FBXL5: variants seen among roughly 807,000 people sequenced by gnomAD.
FBXL5 encodes F-box and leucine rich repeat protein 5.
A neutral mutation model predicts 78.3 loss-of-function variants in FBXL5; 26 were observed. That is an observed-to-expected ratio of 0.33 (90% CI 0.24 to 0.46). FBXL5 has a LOEUF of 0.46. Among genes scored for constraint, FBXL5 ranks in the 20% least tolerant of loss-of-function variants. The pLI, the probability that FBXL5 is intolerant of heterozygous loss-of-function variation, is 1.00. For synonymous variants in FBXL5, 295 were observed against 282.5 expected, an observed-to-expected ratio of 1.04 and a Z score of -0.45; for missense variants, 710 against 829.2, an observed-to-expected ratio of 0.86 and a Z score of 1.77.
chr4:15,656,427 A>C (rs1716953731), upstream of FBXL5: 1 of 387,634 alleles, frequency 2.6e-6, no homozygotes, highest in African/African-American at 2.1e-5. Context: ...CAGAACCTCC[A>C]GGAGGGCAAG....
rs1430827403 is a variant in FBXL5 at position 15,625,727 on chromosome 4, TTTC to T, written c.1372_1374del (p.Glu458del). The stretch of plus-strand genomic sequence containing the variant: ...TTAGTCCAGGGGTGTTCATTATCTA[TTTC>T]TTCTCCAATGCCCTTGTTAGTTAAA... On this transcript the variant is annotated inframe_deletion, in exon 9 of 11. Coordinates refer to ENST00000341285, the MANE Select transcript of FBXL5 (RefSeq NM_012161.4). 6.2e-7 allele frequency: 1 copy of T among 1,614,220 alleles called. No individual in the cohort carries two copies. Among genetic ancestry groups the T allele is most frequent in the Non-Finnish European group, 8.5e-7 (1 of 1,180,032 alleles).
intron 4 of FBXL5, 69 bp from the exon 5 acceptor site, chr4:15,636,745 A>C (rs1577459419): frequency 8.4e-7 from 1 of 1,185,318 alleles, no homozygotes; most frequent in East Asian, 2.4e-5. Flanking sequence ...TTACAATTAC[A>C]TTTCTATAAA....
chr4:15,675,444 T>G (rs1015217170), intron 1 of FBXL5, among the ~76,000 whole-genome samples: 1 of 152,154 alleles, frequency 6.6e-6, no homozygotes, highest in African/African-American at 2.4e-5. Context: ...CAGGCTTAGA[T>G]CCTATCTAAC....
chr4:15,638,450 A>C, intron 4 of FBXL5, 58 bp downstream of exon 4: 1 of 1,291,812 alleles, frequency 7.7e-7, no homozygotes, highest in Non-Finnish European at 1.1e-6. Context: ...AGTTCATATC[A>C]GTAAGATGTC....
chr4:15,618,091 G>T (rs1030864051), intron 9 of FBXL5, among the ~76,000 whole-genome samples: 2 of 152,232 alleles, frequency 1.3e-5, no homozygotes, highest in South Asian at 2.1e-4. Context: ...CAAAACTAAT[G>T]AAGAAAAACA....
rs1483098828 is a variant in FBXL5 at position 15,644,477 on chromosome 4, C to T, written c.300+16G>A. On this transcript the variant is annotated intron_variant, in intron 2 of 10. Transcript: ENST00000341285. ...GCACAAGTTTTGACAGTTGAATATC[C>T]ATTTTTGCAACTTACCTTAACATTC... 1.3e-6 allele frequency: 2 copies of T among 1,584,854 alleles called. No individual in the cohort carries two copies. The highest frequency in any genetic ancestry group is 1.7e-6 in the Non-Finnish European group (2 of 1,163,806).
intron 2 of FBXL5, among the ~76,000 whole-genome samples, chr4:15,641,832 G>C (rs1441079362): frequency 1.3e-5 from 2 of 151,944 alleles, no homozygotes; most frequent in Admixed American, 6.6e-5. Flanking sequence ...TTCAAGACCA[G>C]CCAGCCCAAC....
intron 2 of FBXL5, 63 bp from the exon 3 acceptor site, chr4:15,640,946 C>A: frequency 3.4e-6 from 3 of 877,592 alleles, no homozygotes; most frequent in East Asian, 2.9e-5. Flanking sequence ...TGTCTGGTCC[C>A]AGGAAGTTTA....
intron 4 of FBXL5, 77 bp from the exon 5 acceptor site, chr4:15,636,753 A>G (rs1714327718): frequency 8.9e-7 from 1 of 1,122,406 alleles, no homozygotes; most frequent in Non-Finnish European, 1.2e-6. Context: ...ACATTTCTAT[A>G]AACAAAATCC....
rs1185938981 is a variant in FBXL5 at position 15,625,671 on chromosome 4, A to G, written c.1431T>C (p.Pro477=). 19 of 1,614,094 alleles carry G rather than the reference A, an allele frequency of 1.2e-5. No individual in the cohort carries two copies. The highest frequency in any genetic ancestry group is 1.5e-5 in the Non-Finnish European group (18 of 1,180,044). Residue 477 remains proline (P), a synonymous_variant, in exon 9 of 11, where the codon CCT becomes CCC. Transcript: ENST00000341285. Reference sequence around the variant, plus strand: ...CTTCAGCATCTAACATCCACACATAAGGAGAAGTGAAATTCTCAGAAGAAA... The same window carrying G: ...CTTCAGCATCTAACATCCACACATAGGGAGAAGTGAAATTCTCAGAAGAAA... ...KPVSSENFTS[P]YVWMLDAEDL... is the part of the protein sequence containing the mutation.
chr4:15,653,997 G>A (rs879678604), intron 1 of FBXL5, among the ~76,000 whole-genome samples: 4 of 152,138 alleles, frequency 2.6e-5, no homozygotes, highest in Non-Finnish European at 4.4e-5. Flanking sequence ...ATGTGAACTG[G>A]GTGTTTCTAA....
intron 4 of FBXL5, among the ~76,000 whole-genome samples, chr4:15,638,082 C>T (rs540289711): frequency 2.0e-5 from 3 of 151,654 alleles, no homozygotes; most frequent in East Asian, 1.9e-4. Flanking sequence ...TTTTGAAAAC[C>T]AATGAAAAAA....
chr4:15,653,471 G>A (rs1306162845), intron 1 of FBXL5, among the ~76,000 whole-genome samples: 1 of 152,122 alleles, frequency 6.6e-6, no homozygotes, highest in Non-Finnish European at 1.5e-5. Context: ...ATTTTGGGAG[G>A]TCACAATCAT....
intron 4 of FBXL5, among the ~76,000 whole-genome samples, chr4:15,637,040 G>A (rs1477908769): frequency 3.3e-5 from 5 of 152,156 alleles, no homozygotes; most frequent in African/African-American, 1.2e-4. Context: ...AACAAGTATA[G>A]AGTCAGCCAG....
Position 15,625,956 on chromosome 4 carries a change from G to A in FBXL5, c.1146C>T (p.Cys382=). 6.3e-7 allele frequency: 1 copy of A among 1,588,362 alleles called. No homozygotes were observed. Among genetic ancestry groups the A allele is most frequent in the Non-Finnish European group, 8.5e-7 (1 of 1,171,246 alleles). The stretch of plus-strand genomic sequence containing the variant: ...ACAGATCAAGATGCCGAAGACTCTG[G>A]CAGCAACCAAGCCAAGACCAACTAT... ...AFDSWSWLGC[C]QSLRHLDLSG... The change falls in exon 9 of 11, where the codon TGC becomes TGT. Residue 382 remains cysteine (C), a synonymous_variant. Coordinates refer to ENST00000341285, the MANE Select transcript of FBXL5 (RefSeq NM_012161.4).
upstream of FBXL5, among the ~76,000 whole-genome samples, chr4:15,661,729 T>C (rs1293073774): frequency 6.6e-6 from 1 of 152,218 alleles, no homozygotes; most frequent in Non-Finnish European, 1.5e-5. Context: ...CTTAAATGGC[T>C]TTATTATTTC....
At chr4:15,608,241 TTCAAAGGATAAAGTAAAAGGGAGAC>T (rs1191113921) in intron 10 of FBXL5, among the ~76,000 whole-genome samples, 2 of 151,996 alleles carry the variant, frequency 1.3e-5, no homozygotes, top group Non-Finnish European at 1.5e-5. Flanking sequence ...GCAATTGGTT[TTCAAAGGATAAAGTAAAAGGGAGAC>T]TCAAAGGAGC....
At chr4:15,642,027 TA>T (rs75937135) in intron 2 of FBXL5, among the ~76,000 whole-genome samples, 142 of 142,364 alleles carry the variant, frequency 1.0e-3, no homozygotes, top group Admixed American at 9.9e-4. Context: ...GACTCTGTCT[TA>T]AAAAAAAAAA....
intron 9 of FBXL5, among the ~76,000 whole-genome samples, chr4:15,618,465 TAAG>T (rs1285422590): frequency 6.6e-6 from 1 of 152,228 alleles, no homozygotes; most frequent in African/African-American, 2.4e-5. Flanking sequence ...AATTGACTTA[TAAG>T]AAGATGAATC....
Sources: allele counts gnomAD v4.1 joint callset (sites outside exome capture counted in the v4.1 genomes callset), GRCh38; gene constraint gnomAD v4.1.1; transcripts MANE v1.5; gene names NCBI Gene and HGNC (gene_info 2026-07-23, HGNC 2026-07-21).